The following ARHGAP44 variants were observed in gnomAD, a reference collection of about 807,000 sequenced individuals.
ARHGAP44 encodes the protein rho GTPase-activating protein 44.
In ARHGAP44, 43 loss-of-function variants were observed where a neutral mutation model predicts 106.8. That is an observed-to-expected ratio of 0.40 (90% confidence interval 0.32 to 0.52). ARHGAP44 has a LOEUF of 0.52. Among genes scored for constraint, ARHGAP44 ranks in the 20% least tolerant of loss-of-function variants. ARHGAP44 has a pLI of 0.48. For synonymous variants in ARHGAP44, 439 were observed against 410.3 expected (o/e 1.07, Z -0.85); for missense variants, 866 against 1,050.5 (o/e 0.82, Z 2.43).
intron 1 of ARHGAP44, among the ~76,000 whole-genome samples, chr17:12,844,144 C>T (rs1200167320): frequency 1.3e-5 from 2 of 148,520 alleles, no homozygotes; most frequent in Admixed American, 6.7e-5. Context: ...GATTGGGGGC[C>T]GCTATGCCGT....
At chr17:12,894,400 G>C (rs1268349372) in intron 1 of ARHGAP44, among the ~76,000 whole-genome samples, 2 of 152,136 alleles carry the variant, frequency 1.3e-5, no homozygotes, top group Non-Finnish European at 2.9e-5. Flanking sequence ...GTGCTAATGG[G>C]TTAGCTGGGA....
chr17:12,889,593 C>T (rs2036981097), intron 1 of ARHGAP44, among the ~76,000 whole-genome samples: 1 of 152,160 alleles, frequency 6.6e-6, no homozygotes. Flanking sequence ...ACATATTCAG[C>T]TTTTAGCATT....
At chr17:12,899,178 C>A (rs2037301404) in intron 3 of ARHGAP44, among the ~76,000 whole-genome samples, 1 of 152,166 alleles carries the variant, frequency 6.6e-6, no homozygotes, top group South Asian at 2.1e-4. Flanking sequence ...ACCATGTTGG[C>A]CAGGATGGTC....
chr17:12,870,066 T>G (rs113188945), intron 1 of ARHGAP44, among the ~76,000 whole-genome samples: 129 of 144,010 alleles, frequency 9.0e-4, no homozygotes, highest in Middle Eastern at 3.6e-3. Flanking sequence ...TTTTTTTTTT[T>G]GAGATAGAGT....
At chr17:12,830,588 T>A (rs2035057606) in intron 1 of ARHGAP44, among the ~76,000 whole-genome samples, 1 of 152,198 alleles carries the variant, frequency 6.6e-6, no homozygotes, top group African/African-American at 2.4e-5. Flanking sequence ...AGTTTCTAGG[T>A]CCAGTCTAGT....
chr17:12,830,690 C>A (rs1005152078), intron 1 of ARHGAP44, among the ~76,000 whole-genome samples: 14 of 152,052 alleles, frequency 9.2e-5, no homozygotes, highest in African/African-American at 2.7e-4. Flanking sequence ...ATTAGGTGCC[C>A]TGTAAGGTCT....
At chr17:12,903,140 A>AGAGAGAGTGT (rs1403029479) in intron 3 of ARHGAP44, among the ~76,000 whole-genome samples, 2 of 57,594 alleles carry the variant, frequency 3.5e-5, no homozygotes, top group African/African-American at 6.2e-5. Context: ...AGAGAGAGAG[A>AGAGAGAGTGT]GTGTGTGTGT....
At chr17:12,954,466 C>T (rs1205920936) in intron 13 of ARHGAP44, among the ~76,000 whole-genome samples, 2 of 152,198 alleles carry the variant, frequency 1.3e-5, no homozygotes, top group Non-Finnish European at 2.9e-5. Flanking sequence ...AGCTTAGGTC[C>T]CACATCCTGG....
chr17:12,890,892 AT>A, intron 1 of ARHGAP44, among the ~76,000 whole-genome samples: 1 of 152,158 alleles, frequency 6.6e-6, no homozygotes, highest in East Asian at 1.9e-4. Context: ...ATCCTAGTTC[AT>A]CACTCTTAAT....
intron 1 of ARHGAP44, among the ~76,000 whole-genome samples, chr17:12,809,493 T>C (rs959115247): frequency 3.3e-5 from 5 of 152,172 alleles, no homozygotes; most frequent in African/African-American, 1.2e-4. Context: ...GGAACTCCCC[T>C]TTATAAAATA....
rs1399360857 is a variant in ARHGAP44, at chr17:12,826,586, AT to A, written c.53+36697del. On this transcript the variant is annotated intron_variant, in intron 1 of 20. Coordinates refer to ENST00000379672, the MANE Select transcript of ARHGAP44 (RefSeq NM_014859.6). ...TTGGCCATTTTGGCGACAGCAGCAC[AT>A]TGTGTTGAATATTCTATTTCTAAAA... Among the ~76,000 whole-genome samples the A allele has an allele frequency of 3.3e-5, 5 of 152,144 alleles. No individual in the cohort carries two copies. In the East Asian group the frequency reaches 9.6e-4, roughly 29 times the overall value.
At chr17:12,846,723 G>A (rs191502922) in intron 1 of ARHGAP44, among the ~76,000 whole-genome samples, 91 of 152,306 alleles carry the variant, frequency 6.0e-4, no homozygotes, top group African/African-American at 2.1e-3. Flanking sequence ...CATTCATGAC[G>A]TAAATATATG....
At chr17:12,812,817 A>G (rs2034477501) in intron 1 of ARHGAP44, among the ~76,000 whole-genome samples, 2 of 152,132 alleles carry the variant, frequency 1.3e-5, no homozygotes, top group Admixed American at 1.3e-4. Flanking sequence ...GCTACTTTCA[A>G]CTCTTTTTTT....
rs2039116057 is a variant in ARHGAP44 at position 12,955,915 on chromosome 17, C to T, written c.1185C>T (p.Asn395=). The T allele has an allele frequency of 6.2e-7, 1 of 1,613,408 alleles. No individual in the cohort carries two copies. The highest frequency in any genetic ancestry group is 8.5e-7 in the Non-Finnish European group (1 of 1,179,750). ...AGCTGTCAGAATATCAAGATGTAAA[C>T]AAGATGACTCCCAGTAATATGGCAA... The part of the protein sequence containing the change: ...LSKLSEYQDV[N]KMTPSNMAIV... Residue 395 remains asparagine (N), a synonymous_variant, in exon 14 of 21, where the codon AAC becomes AAT. Transcript: ENST00000379672.
chr17:12,934,543 A>G (rs1358063070), intron 7 of ARHGAP44, among the ~76,000 whole-genome samples: 2 of 152,206 alleles, frequency 1.3e-5, no homozygotes, highest in Non-Finnish European at 2.9e-5. Context: ...TGCCAAAAGT[A>G]TCTAGCCCAG....
At chr17:12,981,827 G>A (rs34057603) in intron 19 of ARHGAP44, among the ~76,000 whole-genome samples, 83,329 of 151,058 alleles carry the variant, frequency 0.55, 23,172 homozygotes, top group East Asian at 0.73. Context: ...ACTGGACAAC[G>A]TGGTGAAACC....
intron 4 of ARHGAP44, 46 bp downstream of exon 4, chr17:12,909,019 C>T (rs923199421): frequency 5.8e-5 from 88 of 1,509,932 alleles, no homozygotes; most frequent in Non-Finnish European, 7.6e-5. Flanking sequence ...CTAAGTAAGT[C>T]CCCATCCGTG....
chr17:12,795,493 C>T (rs2033891162), intron 1 of ARHGAP44, among the ~76,000 whole-genome samples: 1 of 151,810 alleles, frequency 6.6e-6, no homozygotes, highest in African/African-American at 2.4e-5. Flanking sequence ...ATTTTCCTTC[C>T]CAGTTTGTCT....
intron 1 of ARHGAP44, among the ~76,000 whole-genome samples, chr17:12,835,629 A>T (rs1485867776): frequency 6.6e-6 from 1 of 152,190 alleles, no homozygotes; most frequent in African/African-American, 2.4e-5. Flanking sequence ...AATTTTATTT[A>T]ATTAAAAAAA....
Sources: allele counts gnomAD v4.1 joint callset (sites outside exome capture counted in the v4.1 genomes callset), GRCh38; gene constraint gnomAD v4.1.1; transcripts MANE v1.5; gene names NCBI Gene and HGNC (gene_info 2026-07-23, HGNC 2026-07-21).